GADD45A: variants seen among roughly 807,000 people sequenced by gnomAD.
GADD45A encodes growth arrest and DNA damage inducible alpha.
In GADD45A, 9 loss-of-function variants were observed where a neutral mutation model predicts 17.7. The ratio of observed to expected loss-of-function variants is 0.51; its 90% CI spans 0.31 to 0.89. The LOEUF (loss-of-function observed/expected upper bound fraction) is 0.89, where lower values mean the gene tolerates loss of function less well. Ranked by LOEUF, GADD45A falls within the 40% of genes least tolerant of loss-of-function variation. The pLI is 0.05. For synonymous variants in GADD45A, 95 were observed against 92.2 expected (o/e 1.03, Z -0.17); for missense variants, 149 against 220.6 (o/e 0.68, Z 2.06).
rs867583475 is a variant in GADD45A, at chr1:67,686,560, C to T, written c.357C>T (p.Pro119=). The T allele has an allele frequency of 6.2e-7, 1 of 1,611,718 alleles. No homozygotes were observed. Among genetic ancestry groups the T allele is most frequent in the African/African-American group, 1.3e-5 (1 of 75,022 alleles). ...GPAASEGAEQ[P]PDLHCVLVTN... ...CGGCGAGCGAGGGCGCCGAGCAGCC[C>T]CCGGACCTGCACTGCGTGCTGGTGA... Residue 119 remains proline (P), a synonymous_variant, in exon 3 of 4, where the codon CCC becomes CCT. Coordinates refer to ENST00000370986, the MANE Select transcript of GADD45A (RefSeq NM_001924.4).
chr1:67,686,004 C>T (rs559363534), intron 1 of GADD45A, 21 bp from the exon 2 acceptor site: 2 of 1,569,528 alleles, frequency 1.3e-6, no homozygotes. Context: ...GACGGGACCC[C>T]TCGCCCTTGC....
intron 1 of GADD45A, 167 bp from the exon 2 acceptor site, chr1:67,685,858 G>A: frequency 1.7e-6 from 1 of 594,830 alleles, no homozygotes; most frequent in Non-Finnish European, 3.0e-6. Context: ...GGGCGTGCAG[G>A]GGTCATGGGG....
chr1:67,685,402 G>T lies in GADD45A; in HGVS notation c.-93G>T, dbSNP rs1358366226. On this transcript the variant is annotated 5_prime_UTR_variant, in exon 1 of 4. Coordinates refer to ENST00000370986, the MANE Select transcript of GADD45A (RefSeq NM_001924.4). ...CCTGAGCTGCCGGAGCGGCGCCTGT[G>T]AGTGAGTGCAGAAAGCAGGCGCCCG... The T allele has an allele frequency of 8.2e-7, 1 of 1,221,794 alleles. No homozygotes were observed. The highest frequency in any genetic ancestry group is 1.5e-5 in the African/African-American group (1 of 64,854). The allele number at this position is 1,221,794 out of a possible 1,614,324, so 75.7% of individuals were successfully genotyped here. A position where few individuals can be genotyped will look rare whatever the true frequency, so the allele number is the denominator to read the frequency against.
rs754469731 is a variant in GADD45A, at chr1:67,686,120, T to C, written c.140T>C (p.Leu47Pro). The C allele has an allele frequency of 5.0e-6, 8 of 1,609,696 alleles. No individual in the cohort carries two copies. Among genetic ancestry groups the C allele is most frequent in the Non-Finnish European group, 6.8e-6 (8 of 1,178,000 alleles). The change falls in exon 2 of 4, where the codon CTC becomes CCC. Residue 47 changes from leucine to proline, a missense_variant. Physicochemically the swap from Leu to Pro is moderately conservative, Grantham distance 98 (BLOSUM62 -3). Transcript: ENST00000370986. Reference sequence around the variant, plus strand: ...GGGGTGTACGAAGCGGCCAAGCTGCTCAACGTGTAAGTGGGGCCCTTGCGC... The same window carrying C: ...GGGGTGTACGAAGCGGCCAAGCTGCCCAACGTGTAAGTGGGGCCCTTGCGC... ...TVGVYEAAKL[L>P]NVDPDNVVLC... is the part of the protein sequence containing the mutation.
Position 67,686,404 on chromosome 1 carries a change from A to G in GADD45A, c.201A>G (p.Arg67=), listed in dbSNP as rs1327404626. The G allele has an allele frequency of 2.5e-6, 4 of 1,613,672 alleles. No individual in the cohort carries two copies. The East Asian group carries it at 8.9e-5, about 36-fold the overall frequency. Residue 67 remains arginine, a synonymous_variant, in exon 3 of 4, where the codon AGA becomes AGG. Transcript: ENST00000370986. ...CLLAADEDDD[R]DVALQIHFTL... ...TGGCGGCGGACGAGGACGACGACAG[A>G]GATGTGGCTCTGCAGATCCACTTCA...
At position 67,686,441 on chromosome 1, in the gene GADD45A, G is replaced by T; in HGVS notation, c.238G>T (p.Ala80Ser). 6.2e-7 allele frequency: 1 copy of T among 1,613,876 alleles called. No homozygotes were observed. The highest frequency in any genetic ancestry group is 1.1e-5 in the South Asian group (1 of 91,090). The change falls in exon 3 of 4, where the codon GCG becomes TCG. Residue 80 changes from alanine (A) to serine (S), a missense_variant. By Grantham distance (99) the Ala-to-Ser change is moderately conservative. Transcript: ENST00000370986. ...ALQIHFTLIQ[A>S]FCCENDINIL... is the part of the protein sequence containing the mutation. ...GCAGATCCACTTCACCCTGATCCAG[G>T]CGTTTTGCTGCGAGAACGACATCAA...
intron 2 of GADD45A, 51 bp from the exon 3 acceptor site, chr1:67,686,299 G>C: frequency 6.4e-7 from 1 of 1,557,408 alleles, no homozygotes; most frequent in Non-Finnish European, 8.8e-7. Flanking sequence ...CCGGGCAGTG[G>C]TTGAGGGCGC....
rs750857701 is a variant in GADD45A at position 67,686,594 on chromosome 1, G to A, written c.384+7G>A. On this transcript the variant is annotated splice_region_variant and intron_variant, in intron 3 of 3. Coordinates refer to ENST00000370986, the MANE Select transcript of GADD45A (RefSeq NM_001924.4). ...GCACTGCGTGCTGGTGACGGTAAGG[G>A]ACTGGGGGACTGCAGCCTGCAGGGT... is the stretch of plus-strand genomic sequence containing the variant. The A allele has an allele frequency of 3.1e-6, 5 of 1,605,792 alleles. No individual in the cohort carries two copies. In the Admixed American group the frequency reaches 8.4e-5, roughly 27 times the overall value.
intron 2 of GADD45A, 110 bp from the exon 3 acceptor site, chr1:67,686,240 T>G: frequency 7.3e-7 from 1 of 1,367,104 alleles, no homozygotes; most frequent in Non-Finnish European, 1.0e-6. Context: ...CTTTTCTGCC[T>G]GTCTCGGAAG....
chr1:67,686,280 C>T, intron 2 of GADD45A, 70 bp from the exon 3 acceptor site: 1 of 1,467,938 alleles, frequency 6.8e-7, no homozygotes, highest in Non-Finnish European at 9.3e-7. Flanking sequence ...GGCGGCGACC[C>T]CCAGGGACCC....
chr1:67,688,109 C>T lies in GADD45A; in HGVS notation c.*335C>T, dbSNP rs1410297125. On this transcript the variant is annotated 3_prime_UTR_variant, in exon 4 of 4. Coordinates refer to ENST00000370986, the MANE Select transcript of GADD45A (RefSeq NM_001924.4). ...CCAAATATGTTAAAGTTTAAGTGTG[C>T]AGCCATAGTTTGGGTATTTTTGGTT... is the stretch of plus-strand genomic sequence containing the variant. The T allele has an allele frequency of 5.0e-6, 1 of 198,078 alleles. No homozygotes were observed. Among genetic ancestry groups the T allele is most frequent in the Admixed American group, 5.6e-5 (1 of 17,898 alleles). The allele number at this position is 198,078 out of a possible 1,614,324, so 12.3% of individuals were successfully genotyped here.
rs897552615 is a variant in GADD45A at position 67,688,195 on chromosome 1, A to G, written c.*421A>G. On this transcript the variant is annotated 3_prime_UTR_variant, in exon 4 of 4. Transcript: ENST00000370986. ...TAATCATATTTGAAAACCATATTTT[A>G]TTGTATTTTGATGAGATATTAAATT... 1 of 155,410 alleles carries G rather than the reference A, an allele frequency of 6.4e-6. No homozygotes were observed. Among genetic ancestry groups the G allele is most frequent in the African/African-American group, 2.4e-5 (1 of 41,512 alleles). 9.6% of individuals were successfully genotyped at this position (155,410 alleles called of 1,614,324 possible). A position where few individuals can be genotyped will look rare whatever the true frequency, so the allele number is the denominator to read the frequency against.
rs373445623 is a variant in GADD45A, at chr1:67,686,088, C to T, written c.108C>T (p.Ile36=). ...GCAAAGCCCTGAGTCAGCGCACGAT[C>T]ACTGTCGGGGTGTACGAAGCGGCCA... The part of the protein sequence containing the change: ...VLSKALSQRT[I]TVGVYEAAKL... The change falls in exon 2 of 4, where the codon ATC becomes ATT. Residue 36 remains isoleucine (I), a synonymous_variant. Coordinates refer to ENST00000370986, the MANE Select transcript of GADD45A (RefSeq NM_001924.4). 1.9e-6 allele frequency: 3 copies of T among 1,609,988 alleles called. No homozygotes were observed. In the African/African-American group the frequency reaches 4.0e-5, roughly 22 times the overall value.
chr1:67,687,875 C>T lies in GADD45A; in HGVS notation c.*101C>T, dbSNP rs1448885703. On this transcript the variant is annotated 3_prime_UTR_variant, in exon 4 of 4. Transcript: ENST00000370986. ...ACTCCCTACACTGATGCAAGGATTA[C>T]AGAAACTGATGCCAAGGGGCTGAGT... 4 of 768,144 alleles carry T rather than the reference C, an allele frequency of 5.2e-6. No individual in the cohort carries two copies. Among genetic ancestry groups the T allele is most frequent in the East Asian group, 2.5e-5 (1 of 39,722 alleles). The allele number at this position is 768,144 out of a possible 1,614,324, so 47.6% of individuals were successfully genotyped here. A position where few individuals can be genotyped will look rare whatever the true frequency, so the allele number is the denominator to read the frequency against.
chr1:67,687,607 T>G, intron 3 of GADD45A, 54 bp from the exon 4 acceptor site: 1 of 1,075,572 alleles, frequency 9.3e-7, no homozygotes, highest in Non-Finnish European at 1.4e-6. Flanking sequence ...AAAGTATAAT[T>G]ACTAGAATAT....
Position 67,686,461 on chromosome 1 carries a change from C to T in GADD45A, c.258C>T (p.Asp86=), listed in dbSNP as rs1191333276. 1.2e-6 allele frequency: 2 copies of T among 1,613,738 alleles called. No individual in the cohort carries two copies. The highest frequency in any genetic ancestry group is 8.5e-7 in the Non-Finnish European group (1 of 1,179,874). ...TCCAGGCGTTTTGCTGCGAGAACGA[C>T]ATCAACATCCTGCGCGTCAGCAACC... is the stretch of plus-strand genomic sequence containing the variant. The part of the protein sequence containing the change: ...TLIQAFCCEN[D]INILRVSNPG... Residue 86 remains aspartate (D), a synonymous_variant, in exon 3 of 4, where the codon GAC becomes GAT. Coordinates refer to ENST00000370986, the MANE Select transcript of GADD45A (RefSeq NM_001924.4).
At position 67,687,869 on chromosome 1, in the gene GADD45A, G is replaced by A; in HGVS notation, c.*95G>A. 2.5e-6 allele frequency: 2 copies of A among 802,212 alleles called. No individual in the cohort carries two copies. Among genetic ancestry groups the A allele is most frequent in the East Asian group, 2.5e-5 (1 of 40,184 alleles). 49.7% of individuals were successfully genotyped at this position (802,212 alleles called of 1,614,324 possible). A position where few individuals can be genotyped will look rare whatever the true frequency, so the allele number is the denominator to read the frequency against. ...GCAGTTACTCCCTACACTGATGCAAGGATTACAGAAACTGATGCCAAGGGG... is the reference window on the plus strand; with the variant it reads ...GCAGTTACTCCCTACACTGATGCAAAGATTACAGAAACTGATGCCAAGGGG... On this transcript the variant is annotated 3_prime_UTR_variant, in exon 4 of 4. Transcript: ENST00000370986.
chr1:67,686,185 C>A (rs1646132253), intron 2 of GADD45A, 59 bp downstream of exon 2: 5 of 1,467,164 alleles, frequency 3.4e-6, no homozygotes, highest in Non-Finnish European at 4.7e-6. Context: ...CCCGGGAGGT[C>A]GCCTTGGCTG....
intron 1 of GADD45A, 190 bp downstream of exon 1, chr1:67,685,728 A>G: frequency 1.6e-6 from 1 of 638,178 alleles, no homozygotes; most frequent in Non-Finnish European, 2.7e-6. Flanking sequence ...CCCAACCCGA[A>G]CGAGCCCCGC....
Sources: allele counts gnomAD v4.1 joint callset, GRCh38; gene constraint gnomAD v4.1.1; transcripts MANE v1.5; gene names NCBI Gene and HGNC (gene_info 2026-07-23, HGNC 2026-07-21).